ATP2B2: variants seen among roughly 807,000 people sequenced by gnomAD.
ATP2B2 encodes the protein ATPase plasma membrane Ca2+ transporting 2.
A neutral mutation model predicts 120.0 loss-of-function variants in ATP2B2; 15 were observed. The observed-to-expected ratio is 0.12, with a 90% CI of 0.08 to 0.19. The LOEUF (loss-of-function observed/expected upper bound fraction) is 0.19. ATP2B2 is among the 10% of genes least tolerant of loss of function. The pLI is 1.00. For missense variants in ATP2B2, 1,045 were observed against 1,719.8 expected (o/e 0.61, Z 6.94); for synonymous variants, 694 against 700.3 (o/e 0.99, Z 0.14).
At chr3:10,553,538 G>A (rs2067712930) in intron 2 of ATP2B2, among the ~76,000 whole-genome samples, 1 of 152,164 alleles carries the variant, frequency 6.6e-6, no homozygotes, top group Non-Finnish European at 1.5e-5. Flanking sequence ...GAACTGTTCT[G>A]GGCCAGCAGG....
chr3:10,464,088 A>G (rs1469950824), intron 1 of ATP2B2, among the ~76,000 whole-genome samples: 1 of 152,062 alleles, frequency 6.6e-6, no homozygotes, highest in Admixed American at 6.5e-5. Context: ...AAGTGTGACC[A>G]TGGGGGGGCC....
rs560939066 is a variant in ATP2B2, at chr3:10,604,308, C to T, written c.-415+15609G>A. Among the ~76,000 whole-genome samples the T allele has an allele frequency of 9.3e-4, 142 of 152,336 alleles. 3 individuals carry two copies. In the South Asian group the frequency reaches 0.016, roughly 17 times the overall value. ...CCTCCCTAGCTGCCATCTCTTCTCT[C>T]CAAGCCAGCCTCCACATGGCAGGTG... On this transcript the variant is annotated intron_variant, in intron 2 of 21. Coordinates refer to the ATP2B2 transcript ENST00000646379.
intron 5 of ATP2B2, among the ~76,000 whole-genome samples, chr3:10,399,662 T>C (rs1418384840): frequency 6.6e-6 from 1 of 152,202 alleles, no homozygotes; most frequent in Non-Finnish European, 1.5e-5. Context: ...GCTGGATAAA[T>C]AAATGCCCCC....
chr3:10,449,384 C>T lies in ATP2B2; in HGVS notation c.160G>A (p.Glu54Lys), dbSNP rs2063951110. The change falls in exon 2 of 23, where the codon GAA becomes AAA. Residue 54 changes from glutamate (E) to lysine (K), a missense_variant. By Grantham distance (56) the Glu-to-Lys change is moderately conservative (BLOSUM62 1). Transcript: ENST00000360273. ...GTTTTGAGGCGCCGGCAGATGGCTT[C>T]GGTGTCCCCATAAGTCTCCTTGATC... ...VKIKETYGDT[E>K]AICRRLKTSP... is the part of the protein sequence containing the mutation. 5 of 1,614,238 alleles carry T rather than the reference C, an allele frequency of 3.1e-6. No individual in the cohort carries two copies. Among genetic ancestry groups the T allele is most frequent in the Middle Eastern group, 1.6e-4 (1 of 6,062 alleles).
chr3:10,676,364 G>A (rs2071243634), intron 1 of ATP2B2, among the ~76,000 whole-genome samples: 1 of 152,152 alleles, frequency 6.6e-6, no homozygotes, highest in Non-Finnish European at 1.5e-5. Context: ...CACCCACAGT[G>A]GTCTAGCCTC....
At chr3:10,521,894 C>T (rs2066991495) in intron 3 of ATP2B2, among the ~76,000 whole-genome samples, 1 of 152,184 alleles carries the variant, frequency 6.6e-6, no homozygotes, top group Non-Finnish European at 1.5e-5. Flanking sequence ...CAATATTAGC[C>T]CATTTACAGA....
intron 2 of ATP2B2, among the ~76,000 whole-genome samples, chr3:10,610,298 G>C (rs1176971106): frequency 2.6e-5 from 4 of 151,726 alleles, no homozygotes; most frequent in Admixed American, 2.0e-4. Flanking sequence ...CCCTAAATGG[G>C]TTGGAAGAAA....
intron 1 of ATP2B2, among the ~76,000 whole-genome samples, chr3:10,460,181 A>AC (rs1245127678): frequency 6.6e-6 from 1 of 152,088 alleles, no homozygotes; most frequent in Non-Finnish European, 1.5e-5. Flanking sequence ...AGGTCAGGGA[A>AC]CCTGATAACT....
intron 1 of ATP2B2, among the ~76,000 whole-genome samples, chr3:10,475,387 G>A (rs2065167390): frequency 6.6e-6 from 1 of 152,216 alleles, no homozygotes; most frequent in African/African-American, 2.4e-5. Context: ...CCACCTGCAG[G>A]CTCCTGCAGA....
chr3:10,692,318 C>G (rs201226074), intron 1 of ATP2B2, among the ~76,000 whole-genome samples: 167 of 152,328 alleles, frequency 1.1e-3, no homozygotes, highest in African/African-American at 3.7e-3. Flanking sequence ...GCCTCTCCCC[C>G]CAACCGTCAT....
intron 1 of ATP2B2, among the ~76,000 whole-genome samples, chr3:10,670,214 C>A (rs944222853): frequency 2.0e-5 from 3 of 152,156 alleles, no homozygotes; most frequent in African/African-American, 7.2e-5. Context: ...GCTGAACTAG[C>A]CTTCGCTGGA....
chr3:10,704,829 G>A (rs2071873296), intron 1 of ATP2B2, among the ~76,000 whole-genome samples: 1 of 152,206 alleles, frequency 6.6e-6, no homozygotes, highest in Non-Finnish European at 1.5e-5. Context: ...AGATTTATAT[G>A]ACAACAGGGG....
intron 1 of ATP2B2, among the ~76,000 whole-genome samples, chr3:10,686,367 A>G (rs540994411): frequency 6.6e-6 from 1 of 152,216 alleles, no homozygotes; most frequent in East Asian, 1.9e-4. Flanking sequence ...TTAAAAGCAC[A>G]CAATTGGCTG....
At chr3:10,470,708 G>A (rs886140837) in intron 1 of ATP2B2, among the ~76,000 whole-genome samples, 4 of 152,138 alleles carry the variant, frequency 2.6e-5, no homozygotes, top group Non-Finnish European at 4.4e-5. Context: ...GCCAGGCCTC[G>A]GGGCATCTCT....
intron 5 of ATP2B2, among the ~76,000 whole-genome samples, chr3:10,397,344 A>G (rs983808824): frequency 6.6e-6 from 1 of 152,214 alleles, no homozygotes; most frequent in African/African-American, 2.4e-5. Context: ...GGCCTATAAA[A>G]GTGAGACCAG....
At chr3:10,415,748 G>A (rs924056080) in intron 2 of ATP2B2, among the ~76,000 whole-genome samples, 2 of 152,166 alleles carry the variant, frequency 1.3e-5, no homozygotes, top group African/African-American at 2.4e-5. Context: ...TCACCATTTC[G>A]CATATTAAAA....
intron 2 of ATP2B2, among the ~76,000 whole-genome samples, chr3:10,551,842 G>T (rs2067676382): frequency 6.6e-6 from 1 of 152,188 alleles, no homozygotes; most frequent in South Asian, 2.1e-4. Flanking sequence ...TGTTGAAAAG[G>T]GGACTCTAGC....
At chr3:10,487,269 G>C (rs808932) in intron 1 of ATP2B2, among the ~76,000 whole-genome samples, 108,371 of 152,008 alleles carry the variant, frequency 0.71, 40,074 homozygotes, top group African/African-American at 0.91. Context: ...TGCACATACA[G>C]AGAGACACAC....
chr3:10,576,611 C>T (rs1240948364), intron 2 of ATP2B2, among the ~76,000 whole-genome samples: 1 of 152,026 alleles, frequency 6.6e-6, no homozygotes, highest in African/African-American at 2.4e-5. Flanking sequence ...AACTCCTGGC[C>T]TCAAGTAATC....
Sources: gnomAD v4.1 joint callset for allele counts (sites outside exome capture counted in the v4.1 genomes callset) on GRCh38, gnomAD v4.1.1 for gene constraint, MANE v1.5 for transcripts, NCBI Gene and HGNC (gene_info 2026-07-23, HGNC 2026-07-21) for gene names.